The following CHKA variants were observed in gnomAD, a reference collection of about 807,000 sequenced individuals.
The protein encoded by CHKA is choline kinase alpha.
A neutral mutation model predicts 60.1 loss-of-function variants in CHKA; 34 were observed. The ratio of observed to expected loss-of-function variants is 0.57; its 90% CI spans 0.43 to 0.75. The LOEUF is 0.75. Among genes scored for constraint, CHKA ranks in the 30% least tolerant of loss-of-function variants. CHKA has a pLI of 0.00. For synonymous variants in CHKA, 217 were observed against 223.1 expected (o/e 0.97, Z 0.24); for missense variants, 563 against 561.3 (o/e 1.00, Z -0.03).
At chr11:68,087,837 G>A (rs942565192) in intron 2 of CHKA, among the ~76,000 whole-genome samples, 1 of 152,054 alleles carries the variant, frequency 6.6e-6, no homozygotes, top group Non-Finnish European at 1.5e-5. Context: ...TCCTGTCTGG[G>A]TGCAGTGGCT....
At chr11:68,109,882 G>C (rs1019338652) in intron 1 of CHKA, among the ~76,000 whole-genome samples, 6 of 152,166 alleles carry the variant, frequency 3.9e-5, no homozygotes, top group Non-Finnish European at 7.3e-5. Context: ...AATCCAGGGA[G>C]TAGAGGTTGC....
At chr11:68,079,078 C>T in intron 3 of CHKA, among the ~76,000 whole-genome samples, 1 of 151,586 alleles carries the variant, frequency 6.6e-6, no homozygotes. Context: ...GGACTATAGG[C>T]ATTCACTACC....
chr11:68,083,016 C>T (rs1289134306), intron 2 of CHKA, among the ~76,000 whole-genome samples: 1 of 152,204 alleles, frequency 6.6e-6, no homozygotes, highest in Non-Finnish European at 1.5e-5. Context: ...TAATTCCAAA[C>T]ACTCTCGTGG....
intron 3 of CHKA, 148 bp downstream of exon 3, chr11:68,081,256 G>C: frequency 1.6e-6 from 1 of 617,020 alleles, no homozygotes; most frequent in Non-Finnish European, 2.9e-6. Context: ...GGTGGCTTCT[G>C]ATAGATATAC....
At chr11:68,115,311 A>C (rs913055545) in intron 1 of CHKA, among the ~76,000 whole-genome samples, 1 of 152,236 alleles carries the variant, frequency 6.6e-6, no homozygotes, top group African/African-American at 2.4e-5. Context: ...CATCAATACA[A>C]TGGTGGATAC....
At chr11:68,075,646 A>G (rs1856762510) in intron 3 of CHKA, among the ~76,000 whole-genome samples, 1 of 152,094 alleles carries the variant, frequency 6.6e-6, no homozygotes. Flanking sequence ...TCTCTTAAAG[A>G]GCTTTTACAG....
At chr11:68,093,332 G>A (rs1259479177) in intron 2 of CHKA, among the ~76,000 whole-genome samples, 1 of 152,094 alleles carries the variant, frequency 6.6e-6, no homozygotes, top group Non-Finnish European at 1.5e-5. Flanking sequence ...GTGCTTTCAA[G>A]TATGGTTTCT....
At chr11:68,103,676 C>T (rs1210556653) in intron 1 of CHKA, among the ~76,000 whole-genome samples, 2 of 151,792 alleles carry the variant, frequency 1.3e-5, no homozygotes, top group South Asian at 2.1e-4. Flanking sequence ...CTTTGGAAGG[C>T]TGAGGCGGGC....
intron 5 of CHKA, among the ~76,000 whole-genome samples, chr11:68,070,507 C>T (rs1049502464): frequency 6.6e-6 from 1 of 152,140 alleles, no homozygotes; most frequent in Non-Finnish European, 1.5e-5. Flanking sequence ...TTCACCCGTT[C>T]AATAGCATTT....
chr11:68,106,972 G>A (rs1006239382), intron 1 of CHKA, among the ~76,000 whole-genome samples: 1 of 152,154 alleles, frequency 6.6e-6, no homozygotes, highest in Non-Finnish European at 1.5e-5. Flanking sequence ...AAACATGTTC[G>A]GCCGGGCATG....
intron 2 of CHKA, 64 bp downstream of exon 2, chr11:68,096,953 ATC>A (rs1857532702): frequency 1.7e-5 from 18 of 1,082,980 alleles, no homozygotes; most frequent in Non-Finnish European, 1.5e-5. Flanking sequence ...TTTCCAAGGT[ATC>A]TCAGCAAAGA....
At chr11:68,118,936 G>A (rs549909307) in intron 1 of CHKA, among the ~76,000 whole-genome samples, 2 of 152,226 alleles carry the variant, frequency 1.3e-5, no homozygotes, top group Non-Finnish European at 2.9e-5. Context: ...CCGCAGGCTA[G>A]AGCACTGGTG....
intron 11 of CHKA, 95 bp from the exon 12 acceptor site, chr11:68,054,142 G>T: frequency 9.4e-7 from 1 of 1,068,674 alleles, no homozygotes; most frequent in East Asian, 2.6e-5. Flanking sequence ...CAAGAGCTGA[G>T]GGCACGGACC....
At chr11:68,079,626 G>A (rs1027755793) in intron 3 of CHKA, among the ~76,000 whole-genome samples, 6 of 152,062 alleles carry the variant, frequency 3.9e-5, no homozygotes, top group Non-Finnish European at 8.8e-5. Flanking sequence ...CACCATGCCC[G>A]GCCTCTCTGT....
intron 4 of CHKA, among the ~76,000 whole-genome samples, chr11:68,074,463 C>T (rs997543437): frequency 1.3e-5 from 2 of 152,190 alleles, no homozygotes; most frequent in African/African-American, 2.4e-5. Context: ...TCAGGGTACA[C>T]AGCCTCAGGG....
At chr11:68,080,374 G>T in intron 3 of CHKA, among the ~76,000 whole-genome samples, 1 of 151,846 alleles carries the variant, frequency 6.6e-6, no homozygotes, top group Non-Finnish European at 1.5e-5. Context: ...ATTTGGTGGG[G>T]ACGACTCCTG....
chr11:68,065,394 G>T (rs1439330386), intron 9 of CHKA, among the ~76,000 whole-genome samples: 1 of 152,150 alleles, frequency 6.6e-6, no homozygotes, highest in Non-Finnish European at 1.5e-5. Flanking sequence ...ATTTTAAAAG[G>T]TTATCTTTAA....
intron 2 of CHKA, among the ~76,000 whole-genome samples, chr11:68,083,428 C>A (rs757056252): frequency 1.8e-4 from 27 of 152,182 alleles, no homozygotes; most frequent in Non-Finnish European, 3.2e-4. Flanking sequence ...AGCTTTAAGA[C>A]AAATAAGTTA....
chr11:68,101,383 T>C (rs1271513537), intron 1 of CHKA, among the ~76,000 whole-genome samples: 3 of 152,218 alleles, frequency 2.0e-5, no homozygotes, highest in Admixed American at 1.3e-4. Context: ...TTATCCCTGT[T>C]TGCAGACAAC....
Sources: allele counts gnomAD v4.1 joint callset (sites outside exome capture counted in the v4.1 genomes callset), GRCh38; gene constraint gnomAD v4.1.1; transcripts MANE v1.5; gene names NCBI Gene and HGNC (gene_info 2026-07-23, HGNC 2026-07-21).